MSRA: variants seen among roughly 807,000 people sequenced by gnomAD.
MSRA encodes the protein methionine sulfoxide reductase A.
MSRA carries 54 observed loss-of-function variants against 31.3 expected under a neutral mutation model. The observed-to-expected ratio is 1.73, with a 90% confidence interval of 1.39 to 2.17. MSRA has a LOEUF of 2.17. MSRA is among the 30% of genes most tolerant of loss of function. The pLI is 0.00. For synonymous variants in MSRA, 169 were observed against 116.5 expected, an observed-to-expected ratio of 1.45 and a Z score of -2.90; for missense variants, 507 against 300.9, an observed-to-expected ratio of 1.69 and a Z score of -5.07.
At chr8:10,217,116 C>T (rs967512664) in intron 2 of MSRA, among the ~76,000 whole-genome samples, 5 of 152,104 alleles carry the variant, frequency 3.3e-5, no homozygotes, top group African/African-American at 9.7e-5. Flanking sequence ...TGTGAAATGG[C>T]GATGGATTTC....
intron 3 of MSRA, among the ~76,000 whole-genome samples, chr8:10,287,715 C>G (rs944082828): frequency 1.4e-4 from 21 of 152,158 alleles, no homozygotes; most frequent in African/African-American, 5.1e-4. Context: ...TAGCTGAATG[C>G]TCTCCATTTT....
intron 1 of MSRA, among the ~76,000 whole-genome samples, chr8:10,148,945 T>A (rs983086135): frequency 7.3e-6 from 1 of 137,378 alleles, no homozygotes; most frequent in African/African-American, 2.7e-5. Flanking sequence ...CGATTGTGTG[T>A]GTCGCTGGTA....
intron 3 of MSRA, among the ~76,000 whole-genome samples, chr8:10,283,830 TATATATACACAC>T (rs1483179620): frequency 9.2e-5 from 6 of 65,326 alleles, no homozygotes; most frequent in East Asian, 6.8e-4. Flanking sequence ...TATATATATA[TATATATACACAC>T]ACACACACAC....
intron 1 of MSRA, among the ~76,000 whole-genome samples, chr8:10,094,219 A>T (rs543291613): frequency 6.6e-6 from 1 of 152,300 alleles, no homozygotes; most frequent in Non-Finnish European, 1.5e-5. Flanking sequence ...TGGTTCAGTA[A>T]TATGTGGTTT....
At chr8:10,060,069 C>G (rs1024362501) in intron 1 of MSRA, among the ~76,000 whole-genome samples, 1 of 152,132 alleles carries the variant, frequency 6.6e-6, no homozygotes, top group Admixed American at 6.5e-5. Flanking sequence ...ATCAAAAATT[C>G]AAATGCATAT....
At chr8:10,071,808 C>T (rs1254160423) in intron 1 of MSRA, among the ~76,000 whole-genome samples, 1 of 152,126 alleles carries the variant, frequency 6.6e-6, no homozygotes, top group Non-Finnish European at 1.5e-5. Context: ...CATCATTATG[C>T]CAACCATCAG....
chr8:10,211,500 G>A (rs969720774), intron 2 of MSRA, among the ~76,000 whole-genome samples: 2 of 152,126 alleles, frequency 1.3e-5, no homozygotes, highest in Admixed American at 6.5e-5. Flanking sequence ...TCAAGTCAGT[G>A]GGAGCCCTCT....
chr8:10,256,523 C>A (rs184609538), intron 3 of MSRA, among the ~76,000 whole-genome samples: 11 of 152,270 alleles, frequency 7.2e-5, no homozygotes, highest in Non-Finnish European at 1.5e-5. Context: ...GAAGTTCTAC[C>A]AGAGAGGATT....
intron 5 of MSRA, among the ~76,000 whole-genome samples, chr8:10,424,905 C>T (rs1005665610): frequency 1.3e-5 from 2 of 152,192 alleles, no homozygotes; most frequent in Non-Finnish European, 2.9e-5. Context: ...GGGCCCACCC[C>T]GGGGGACAGC....
intron 1 of MSRA, among the ~76,000 whole-genome samples, chr8:10,139,510 A>T (rs1802525735): frequency 1.3e-5 from 2 of 152,048 alleles, no homozygotes; most frequent in South Asian, 4.2e-4. Flanking sequence ...GCAATTTCTC[A>T]TCCCTCATCC....
At chr8:10,096,372 G>C in intron 1 of MSRA, 1 of 934,110 alleles carries the variant, frequency 1.1e-6, no homozygotes, top group Non-Finnish European at 1.3e-6. Context: ...ATTTTTGGGA[G>C]GTGGGTGGGG....
At chr8:10,368,078 G>A (rs1805269899) in intron 5 of MSRA, among the ~76,000 whole-genome samples, 1 of 152,162 alleles carries the variant, frequency 6.6e-6, no homozygotes, top group Admixed American at 6.5e-5. Context: ...TCCTGCCACA[G>A]CAGAGCCAGG....
At chr8:10,282,186 A>G (rs2129107483) in intron 3 of MSRA, among the ~76,000 whole-genome samples, 1 of 152,242 alleles carries the variant, frequency 6.6e-6, no homozygotes, top group East Asian at 1.9e-4. Flanking sequence ...CAAGTTTTAT[A>G]AACATTCTCC....
chr8:10,350,359 A>G (rs1447893045), intron 5 of MSRA, among the ~76,000 whole-genome samples: 1 of 152,238 alleles, frequency 6.6e-6, no homozygotes, highest in East Asian at 1.9e-4. Flanking sequence ...TGCAGCCAGC[A>G]GTTAGAGTGC....
chr8:10,283,976 C>G (rs908444804), intron 3 of MSRA, among the ~76,000 whole-genome samples: 4 of 151,348 alleles, frequency 2.6e-5, no homozygotes, highest in Non-Finnish European at 5.9e-5. Flanking sequence ...GTGCAAGTAT[C>G]TTTTTTGTAT....
At position 10,066,283 on chromosome 8, in the gene MSRA, G is replaced by A. The variant is rs78592006; in HGVS notation, c.142+11625G>A. ...ATTACAGGCGTGAGCCCCTCTGCCC[G>A]GCCAACTTTGTATTTTTGCTCAAAG... is the stretch of plus-strand genomic sequence containing the variant. On this transcript the variant is annotated intron_variant, in intron 1 of 5. Transcript: ENST00000317173. 8.0e-3 allele frequency among the ~76,000 whole-genome samples: 1,210 copies of A among 152,154 alleles called. 5 individuals are homozygous for A. Among genetic ancestry groups the A allele is most frequent in the Non-Finnish European group, 0.013 (880 of 67,990 alleles).
At chr8:10,254,210 C>T (rs1798061563) in intron 3 of MSRA, among the ~76,000 whole-genome samples, 1 of 152,202 alleles carries the variant, frequency 6.6e-6, no homozygotes, top group Non-Finnish European at 1.5e-5. Context: ...TGGGAGGTAG[C>T]ATCACGTCTC....
At chr8:10,233,165 C>G (rs1371368363) in intron 2 of MSRA, among the ~76,000 whole-genome samples, 3 of 152,182 alleles carry the variant, frequency 2.0e-5, no homozygotes, top group Non-Finnish European at 4.4e-5. Flanking sequence ...TCCAGGCCCT[C>G]TGGGTTTTAC....
rs181076398 is a variant in MSRA, at chr8:10,122,690, C to T, written c.142+68032C>T. 7.6e-4 allele frequency among the ~76,000 whole-genome samples: 116 copies of T among 152,006 alleles called. 1 individual carries two copies. Among genetic ancestry groups the T allele is most frequent in the Non-Finnish European group, 1.3e-3 (86 of 67,944 alleles). On this transcript the variant is annotated intron_variant, in intron 1 of 5. Transcript: ENST00000317173. ...TTCTGCTCTTGTCCTTCCTCCTGCCCTCTACACTCAAGGAGGCCCCAGTGT... is the reference window on the plus strand; with the variant it reads ...TTCTGCTCTTGTCCTTCCTCCTGCCTTCTACACTCAAGGAGGCCCCAGTGT...
Sources: gnomAD v4.1 joint callset for allele counts (sites outside exome capture counted in the v4.1 genomes callset) on GRCh38, gnomAD v4.1.1 for gene constraint, MANE v1.5 for transcripts, NCBI Gene and HGNC (gene_info 2026-07-23, HGNC 2026-07-21) for gene names.